The following CLUAP1 variants were observed in gnomAD, a reference collection of about 807,000 sequenced individuals.
CLUAP1 encodes the protein intraflagellar transport 38, also known as clusterin-associated protein 1.
In CLUAP1, 50 loss-of-function variants were observed where a neutral mutation model predicts 55.0. That is an observed-to-expected ratio of 0.91 (90% CI 0.72 to 1.15). The LOEUF (loss-of-function observed/expected upper bound fraction) is 1.15, where lower values mean the gene tolerates loss of function less well. Among genes scored for constraint, CLUAP1 ranks in the 50% most tolerant of loss-of-function variants. CLUAP1 has a pLI of 0.00. For missense variants in CLUAP1, 530 were observed against 507.6 expected (o/e 1.04, Z -0.42); for synonymous variants, 195 against 175.4 (o/e 1.11, Z -0.88).
chr16:3,523,273 CATAGG>C lies in CLUAP1; in HGVS notation c.832_836del (p.Arg278GlyfsTer6). The C allele has an allele frequency of 6.2e-7, 1 of 1,613,162 alleles. No homozygotes were observed. On this transcript the variant is annotated frameshift_variant, in exon 8 of 12. Coordinates refer to ENST00000576634, the MANE Select transcript of CLUAP1 (RefSeq NM_015041.3). LOFTEE classifies it high-confidence loss of function. ...TCTGGAACAACAGCTTGAAGACCAT[CATAGG>C]ATGGAGCAAGAAAGGTTTGAGGTGA...
intron 3 of CLUAP1, among the ~76,000 whole-genome samples, 199 bp downstream of exon 3, chr16:3,506,614 T>A (rs934640376): frequency 6.6e-6 from 1 of 152,118 alleles, no homozygotes; most frequent in Non-Finnish European, 1.5e-5. Context: ...GGGGTTCTCC[T>A]GTCTCAGCCT....
chr16:3,512,275 C>G (rs2037643098), intron 4 of CLUAP1, 108 bp from the exon 5 acceptor site: 2 of 746,436 alleles, frequency 2.7e-6, no homozygotes, highest in Non-Finnish European at 4.8e-6. Flanking sequence ...GTCGGAGGGT[C>G]ACTTGAGGCC....
chr16:3,533,233 G>C (rs2038164424), intron 11 of CLUAP1: 1 of 1,138,020 alleles, frequency 8.8e-7, no homozygotes, highest in Admixed American at 2.0e-5. Flanking sequence ...CTCTCCCTAG[G>C]AGTGATGCTT....
At chr16:3,523,731 A>G (rs138416546) in intron 8 of CLUAP1, among the ~76,000 whole-genome samples, 436 of 152,302 alleles carry the variant, frequency 2.9e-3, no homozygotes, top group Non-Finnish European at 3.6e-3. Context: ...TTGGGAGGCC[A>G]AGACGAGCGG....
At chr16:3,535,464 G>C (rs2038211931) in intron 11 of CLUAP1, 3 of 152,452 alleles carry the variant, frequency 2.0e-5, no homozygotes, top group Non-Finnish European at 4.4e-5. Flanking sequence ...TGGTTTACAT[G>C]GGACGCAGGA....
rs566874684 is a variant in CLUAP1, at chr16:3,524,951, C to A, written c.856-1461C>A. Among the ~76,000 whole-genome samples, 6 of 152,314 alleles carry A rather than the reference C, an allele frequency of 3.9e-5. No individual in the cohort carries two copies. In the East Asian group the frequency reaches 1.2e-3, roughly 29 times the overall value. ...ATGATGAAATTGGTCTGCAGTCTCC[C>A]TTTCTCATGCCCTTGACAGCTTTTG... is the stretch of plus-strand genomic sequence containing the variant. On this transcript the variant is annotated intron_variant, in intron 8 of 11. Coordinates refer to ENST00000576634, the MANE Select transcript of CLUAP1 (RefSeq NM_015041.3).
At chr16:3,528,814 C>T (rs75830574) in intron 9 of CLUAP1, among the ~76,000 whole-genome samples, 2,898 of 152,048 alleles carry the variant, frequency 0.019, 94 homozygotes, top group African/African-American at 0.06. Context: ...TGTGGCTATT[C>T]GGTTGTCCTA....
upstream of CLUAP1, chr16:3,496,672 G>A: frequency 1.9e-6 from 1 of 533,554 alleles, no homozygotes; most frequent in South Asian, 1.4e-5. Flanking sequence ...GCAAGGCCCT[G>A]GGAACCCCAC....
chr16:3,496,809 A>C (rs946924890), upstream of CLUAP1: 1 of 366,634 alleles, frequency 2.7e-6, no homozygotes, highest in Non-Finnish European at 5.4e-6. Context: ...TGACAAAAAA[A>C]CAAAAAGTTA....
At chr16:3,520,333 C>G (rs1343365473) in intron 7 of CLUAP1, among the ~76,000 whole-genome samples, 1 of 152,040 alleles carries the variant, frequency 6.6e-6, no homozygotes, top group African/African-American at 2.4e-5. Flanking sequence ...GGTTGCATCA[C>G]TGCACTCCAG....
intron 4 of CLUAP1, 143 bp downstream of exon 4, chr16:3,508,611 G>T: frequency 1.5e-6 from 1 of 658,384 alleles, no homozygotes; most frequent in East Asian, 3.3e-5. Context: ...TCAGCATTTG[G>T]ATAAAGTCAA....
At chr16:3,496,154 A>G (rs2037306186), upstream of CLUAP1, 18 of 427,578 alleles carry the variant, frequency 4.2e-5, no homozygotes, top group South Asian at 3.0e-4. Flanking sequence ...AAAAAAAAAA[A>G]GTTAAACATT....
intron 8 of CLUAP1, among the ~76,000 whole-genome samples, chr16:3,525,199 T>C (rs1482811072): frequency 6.6e-6 from 1 of 152,134 alleles, no homozygotes; most frequent in Admixed American, 6.5e-5. Context: ...GCTTGGAGTT[T>C]AGAACATTTT....
At chr16:3,507,746 T>C (rs2037538337) in intron 3 of CLUAP1, among the ~76,000 whole-genome samples, 1 of 151,696 alleles carries the variant, frequency 6.6e-6, no homozygotes, top group Admixed American at 6.6e-5. Flanking sequence ...TTTTCCTTTG[T>C]TTTACACAAA....
chr16:3,503,442 C>T (rs758622655), intron 1 of CLUAP1, among the ~76,000 whole-genome samples: 6 of 152,210 alleles, frequency 3.9e-5, no homozygotes, highest in Non-Finnish European at 7.3e-5. Flanking sequence ...GGATTACAGG[C>T]GTGAGCCACT....
chr16:3,529,249 A>T (rs533262251), intron 9 of CLUAP1, among the ~76,000 whole-genome samples: 1 of 149,970 alleles, frequency 6.7e-6, no homozygotes, highest in East Asian at 2.0e-4. Flanking sequence ...GGCAAATTCA[A>T]GTTTTGCTTT....
intron 10 of CLUAP1, 85 bp downstream of exon 10, chr16:3,530,760 T>C: frequency 4.0e-6 from 4 of 1,012,626 alleles, no homozygotes; most frequent in South Asian, 1.4e-5. Flanking sequence ...CTGCTTAGTA[T>C]TGAGGCCCAC....
At chr16:3,521,132 C>T in intron 7 of CLUAP1, among the ~76,000 whole-genome samples, 1 of 151,834 alleles carries the variant, frequency 6.6e-6, no homozygotes, top group East Asian at 1.9e-4. Flanking sequence ...CCTTCCCCTC[C>T]TGAAACTGGC....
At chr16:3,505,132 A>G (rs2037477945) in intron 2 of CLUAP1, among the ~76,000 whole-genome samples, 1 of 152,198 alleles carries the variant, frequency 6.6e-6, no homozygotes, top group African/African-American at 2.4e-5. Flanking sequence ...CCAGCGACTC[A>G]GGAGGCTGAG....
Sources: allele counts gnomAD v4.1 joint callset (sites outside exome capture counted in the v4.1 genomes callset), GRCh38; gene constraint gnomAD v4.1.1; transcripts MANE v1.5; gene names NCBI Gene and HGNC (gene_info 2026-07-23, HGNC 2026-07-21).